Variants in SPAST observed in about 807,000 individuals in gnomAD.
SPAST encodes spastic paraplegia 4 (autosomal dominant; spastin).
In SPAST, 30 loss-of-function variants were observed where a neutral mutation model predicts 76.6. That is an observed-to-expected ratio of 0.39 (90% CI 0.29 to 0.53). The LOEUF (loss-of-function observed/expected upper bound fraction) is 0.53. Ranked by LOEUF, SPAST falls within the 20% of genes least tolerant of loss-of-function variation. The pLI, the probability that SPAST is intolerant of heterozygous loss-of-function variation, is 0.68. For synonymous variants in SPAST, 305 were observed against 281.0 expected (o/e 1.09, Z -0.86); for missense variants, 717 against 770.5 (o/e 0.93, Z 0.82).
intron 1 of SPAST, among the ~76,000 whole-genome samples, chr2:32,081,780 T>A (rs200128888): frequency 8.0e-5 from 2 of 24,920 alleles, no homozygotes; most frequent in South Asian, 2.0e-3. Flanking sequence ...TGAGACACTG[T>A]CAAAAAAAAA....
chr2:32,077,536 C>G (rs1445822514), intron 1 of SPAST, among the ~76,000 whole-genome samples: 1 of 152,140 alleles, frequency 6.6e-6, no homozygotes, highest in Non-Finnish European at 1.5e-5. Context: ...GAAATACTTG[C>G]TTTTCAGGTA....
intron 1 of SPAST, among the ~76,000 whole-genome samples, chr2:32,080,623 CT>C (rs1261335044): frequency 6.6e-6 from 1 of 151,848 alleles, no homozygotes; most frequent in Admixed American, 6.6e-5. Context: ...TTTTGGAGGC[CT>C]TTTGTGCACT....
At chr2:32,135,124 G>GTGTGTT (rs1349554121) in intron 9 of SPAST, among the ~76,000 whole-genome samples, 1 of 151,406 alleles carries the variant, frequency 6.6e-6, no homozygotes, top group Non-Finnish European at 1.5e-5. Context: ...AATTTTGTGT[G>GTGTGTT]TGTGTGTGTG....
intron 16 of SPAST, among the ~76,000 whole-genome samples, chr2:32,149,256 A>ATTTTTTTTTTTTT (rs59020104): frequency 8.1e-6 from 1 of 123,604 alleles, no homozygotes; most frequent in Non-Finnish European, 1.6e-5. Flanking sequence ...CGCCCAGCTA[A>ATTTTTTTTTTTTT]TTTTTTTTTT....
chr2:32,125,779 A>G (rs565550516), intron 7 of SPAST, among the ~76,000 whole-genome samples: 15 of 151,882 alleles, frequency 9.9e-5, no homozygotes, highest in Admixed American at 6.6e-4. Context: ...CCAACTTTCA[A>G]TCAGTTCCTG....
rs117366856 is a variant in SPAST, at chr2:32,094,484, C to T, written c.587-4312C>T. ...CACAGAGAAGTAAGAGCCAATACAA[C>T]GCCTTAAGAGAAAGTACCTGGTATG... is the stretch of plus-strand genomic sequence containing the variant. On this transcript the variant is annotated intron_variant, in intron 3 of 16. Coordinates refer to ENST00000315285, the MANE Select transcript of SPAST (RefSeq NM_014946.4). 1.8e-3 allele frequency among the ~76,000 whole-genome samples: 270 copies of T among 152,238 alleles called. 1 individual carries two copies. In the East Asian group the frequency reaches 0.032, roughly 18 times the overall value.
chr2:32,156,872 AG>A lies in SPAST; in HGVS notation c.*2377del, dbSNP rs1462148918. On this transcript the variant is annotated 3_prime_UTR_variant, in exon 17 of 17. Transcript: ENST00000315285. ...CTGAGTCAGAAAATCATTACTGTAT[AG>A]AAGTTGCTTTCCTGATCAAGTCTGA... 3.3e-5 allele frequency: 5 copies of A among 152,218 alleles called. No individual in the cohort carries two copies. Among genetic ancestry groups the A allele is most frequent in the African/African-American group, 1.2e-4 (5 of 41,464 alleles). The allele number at this position is 152,218 out of a possible 1,614,324, so 9.4% of individuals were successfully genotyped here.
chr2:32,147,582 G>T (rs1679934541), intron 16 of SPAST, among the ~76,000 whole-genome samples: 1 of 152,024 alleles, frequency 6.6e-6, no homozygotes, highest in Non-Finnish European at 1.5e-5. Flanking sequence ...CTCCCAAAGT[G>T]CTGGGATTAC....
intron 7 of SPAST, among the ~76,000 whole-genome samples, chr2:32,120,597 A>T (rs1678986185): frequency 6.8e-6 from 1 of 147,998 alleles, no homozygotes; most frequent in Admixed American, 6.7e-5. Flanking sequence ...TTTTCCCAGA[A>T]TACCTTTTCC....
rs1553318351 is a variant in SPAST at position 32,137,189 on chromosome 2, G to A, written c.1493+1G>A. On this transcript the variant is annotated splice_donor_variant, in intron 12 of 16. Coordinates refer to ENST00000315285, the MANE Select transcript of SPAST (RefSeq NM_014946.4). LOFTEE classifies it high-confidence loss of function. ...AAGAGCTTGATGAGGCTGTTCTCAG[G>A]TAGGGAGATTTATATGGAAATACAT... 1 of 1,605,922 alleles carries A rather than the reference G, an allele frequency of 6.2e-7. No homozygotes were observed. The highest frequency in any genetic ancestry group is 8.5e-7 in the Non-Finnish European group (1 of 1,172,602).
chr2:32,064,347 G>C, intron 1 of SPAST, 101 bp downstream of exon 1: 2 of 1,128,158 alleles, frequency 1.8e-6, no homozygotes, highest in South Asian at 1.4e-5. Flanking sequence ...GGGAGGGGAC[G>C]GTGCACCCCC....
In SPAST at chr2:32,063,760, C is replaced by T. The variant is rs1676378499; in HGVS notation, c.-72C>T. 1.3e-6 allele frequency: 2 copies of T among 1,523,156 alleles called. No homozygotes were observed. The highest frequency in any genetic ancestry group is 2.0e-5 in the Admixed American group (1 of 50,468). The allele number at this position is 1,523,156 out of a possible 1,614,324, so 94.4% of individuals were successfully genotyped here. The stretch of plus-strand genomic sequence containing the variant: ...TCTGTGGCCCCCGCCGTAGCAGTGG[C>T]TGCCGCCGTCGCTTGGTTCCCGTCG... On this transcript the variant is annotated 5_prime_UTR_variant, in exon 1 of 17. Coordinates refer to ENST00000315285, the MANE Select transcript of SPAST (RefSeq NM_014946.4).
chr2:32,095,676 C>T (rs1677889385), intron 3 of SPAST, among the ~76,000 whole-genome samples: 1 of 151,876 alleles, frequency 6.6e-6, no homozygotes, highest in South Asian at 2.1e-4. Context: ...GAGGTCGAGA[C>T]TGCAGTGAGC....
intron 4 of SPAST, among the ~76,000 whole-genome samples, chr2:32,106,596 T>C (rs191349923): frequency 6.6e-6 from 1 of 152,342 alleles, no homozygotes; most frequent in African/African-American, 2.4e-5. Flanking sequence ...CCCTGCCTTC[T>C]TCATTCATAT....
intron 4 of SPAST, among the ~76,000 whole-genome samples, chr2:32,111,314 CTGTATAGTG>C (rs1374427353): frequency 2.7e-5 from 3 of 110,326 alleles, no homozygotes; most frequent in Non-Finnish European, 6.0e-5. Flanking sequence ...ATACAGTATA[CTGTATAGTG>C]TGTATAGCGT....
At chr2:32,088,038 C>A (rs929040636) in intron 2 of SPAST, among the ~76,000 whole-genome samples, 4 of 151,894 alleles carry the variant, frequency 2.6e-5, no homozygotes, top group African/African-American at 7.3e-5. Context: ...CAGGTGCATG[C>A]CACCGTGCCC....
intron 4 of SPAST, among the ~76,000 whole-genome samples, chr2:32,113,232 T>C (rs532309548): frequency 6.6e-6 from 1 of 151,910 alleles, no homozygotes; most frequent in African/African-American, 2.4e-5. Flanking sequence ...ACTACAGGGA[T>C]GTGCCACCAC....
chr2:32,063,895 C>A lies in SPAST; in HGVS notation c.64C>A (p.Pro22Thr). The A allele has an allele frequency of 6.3e-7, 1 of 1,581,732 alleles. No homozygotes were observed. Among genetic ancestry groups the A allele is most frequent in the Non-Finnish European group, 8.6e-7 (1 of 1,166,078 alleles). ...GSGGASNPVP[P>T]RPPPPCLAPA... is the part of the protein sequence containing the mutation. ...CGGCGGCGCCAGCAACCCGGTGCCT[C>A]CCAGGCCTCCGCCCCCTTGCCTGGC... Residue 22 changes from proline to threonine, a missense_variant, in exon 1 of 17, where the codon CCC (proline) becomes ACC (threonine). Physicochemically the swap from Pro to Thr is conservative, Grantham distance 38. Transcript: ENST00000315285.
intron 1 of SPAST, among the ~76,000 whole-genome samples, chr2:32,078,181 G>A (rs952243119): frequency 7.0e-4 from 107 of 151,942 alleles, no homozygotes; most frequent in East Asian, 7.7e-4. Flanking sequence ...TAGTAGAGAC[G>A]GGGTTTCACC....
Sources: gnomAD v4.1 joint callset for allele counts (sites outside exome capture counted in the v4.1 genomes callset) on GRCh38, gnomAD v4.1.1 for gene constraint, MANE v1.5 for transcripts, NCBI Gene and HGNC (gene_info 2026-07-23, HGNC 2026-07-21) for gene names.